GTPBP10: variants seen among roughly 807,000 people sequenced by gnomAD.
The protein encoded by GTPBP10 is GTP-binding protein 10.
A neutral mutation model predicts 44.8 loss-of-function variants in GTPBP10; 38 were observed. That is an observed-to-expected ratio of 0.85 (90% CI 0.65 to 1.11). GTPBP10 has a LOEUF of 1.11. GTPBP10 is among the 50% of genes most tolerant of loss of function. GTPBP10 has a pLI of 0.00. For missense variants in GTPBP10, 462 were observed against 453.7 expected (o/e 1.02, Z -0.17); for synonymous variants, 152 against 150.6 (o/e 1.01, Z -0.07).
intron 4 of GTPBP10, chr7:90,371,299 G>A (rs1796253309): frequency 3.2e-6 from 1 of 308,220 alleles, no homozygotes; most frequent in South Asian, 1.3e-4. Flanking sequence ...TAGGAAATTA[G>A]TTAAGTAAAT....
At chr7:90,384,598 C>T (rs966707929) in intron 9 of GTPBP10, among the ~76,000 whole-genome samples, 2 of 151,210 alleles carry the variant, frequency 1.3e-5, no homozygotes, top group East Asian at 1.9e-4. Flanking sequence ...TATTTAACCC[C>T]CCCCACACAC....
At chr7:90,384,376 T>C (rs1796485986) in intron 9 of GTPBP10, among the ~76,000 whole-genome samples, 1 of 152,184 alleles carries the variant, frequency 6.6e-6, no homozygotes, top group Non-Finnish European at 1.5e-5. Context: ...TGTGGGGTGA[T>C]AGATTGGACT....
intron 4 of GTPBP10, among the ~76,000 whole-genome samples, chr7:90,369,788 G>A (rs556525123): frequency 3.3e-5 from 5 of 152,220 alleles, no homozygotes; most frequent in East Asian, 3.9e-4. Context: ...GTGAAGCAAC[G>A]CCCCACCCTG....
Position 90,355,107 on chromosome 7 carries a change from A to T in GTPBP10, c.341A>T (p.Asp114Val). Residue 114 changes from aspartate to valine, a missense_variant, in exon 4 of 10, where the codon GAC (aspartate) becomes GTC (valine). By Grantham distance (152) the Asp-to-Val change is radical. Transcript: ENST00000222511. ...KIIGELNKEN[D>V]RILVAQGGLG... ...TAAGGAGAACTCAATAAAGAAAATGACAGAATTTTGGTAGCTCAAGGAGGT... is the reference window on the plus strand; with the variant it reads ...TAAGGAGAACTCAATAAAGAAAATGTCAGAATTTTGGTAGCTCAAGGAGGT... 6.3e-7 allele frequency: 1 copy of T among 1,589,860 alleles called. No individual in the cohort carries two copies. The highest frequency in any genetic ancestry group is 8.6e-7 in the Non-Finnish European group (1 of 1,162,534).
chr7:90,383,283 A>C (rs1796463707), intron 9 of GTPBP10, among the ~76,000 whole-genome samples: 1 of 152,208 alleles, frequency 6.6e-6, no homozygotes, highest in Admixed American at 6.5e-5. Flanking sequence ...TAAAGGAGAC[A>C]AAAGAAAGAT....
chr7:90,376,023 G>A (rs535473834), intron 6 of GTPBP10, among the ~76,000 whole-genome samples: 4 of 150,712 alleles, frequency 2.7e-5, no homozygotes, highest in Admixed American at 6.6e-5. Context: ...TTAGGAGATC[G>A]AGACCATCCT....
chr7:90,369,459 C>T (rs866957367), intron 4 of GTPBP10, among the ~76,000 whole-genome samples: 16 of 152,312 alleles, frequency 1.1e-4, no homozygotes, highest in Admixed American at 2.0e-4. Context: ...CCACCCATTT[C>T]GAGCTTCCAG....
intron 4 of GTPBP10, among the ~76,000 whole-genome samples, chr7:90,370,919 A>G (rs1796244470): frequency 6.6e-6 from 1 of 151,978 alleles, no homozygotes; most frequent in African/African-American, 2.4e-5. Flanking sequence ...AGGCAGGAGA[A>G]TGGCGTGAAC....
intron 4 of GTPBP10, among the ~76,000 whole-genome samples, chr7:90,359,213 G>A (rs1795965342): frequency 6.6e-6 from 1 of 151,468 alleles, no homozygotes; most frequent in Admixed American, 6.6e-5. Flanking sequence ...TCTTACATAG[G>A]TATACATGCG....
rs1796269918 is a variant in GTPBP10, at chr7:90,372,212, A to G, written c.522A>G (p.Ala174=). The change falls in exon 5 of 10, where the codon GCA becomes GCG. Residue 174 remains alanine, a synonymous_variant. Transcript: ENST00000222511. Reference sequence around the variant, plus strand: ...GTTGTGTTTCTCATGCAAAACCTGCAATTGCAGATTACGCATGTAAGTGTA... The same window carrying G: ...GTTGTGTTTCTCATGCAAAACCTGCGATTGCAGATTACGCATGTAAGTGTA... ...LLSCVSHAKP[A]IADYAFTTLK... is the part of the protein sequence containing the mutation. 1.2e-6 allele frequency: 2 copies of G among 1,603,222 alleles called. No homozygotes were observed. Among genetic ancestry groups the G allele is most frequent in the East Asian group, 4.5e-5 (2 of 44,760 alleles).
At chr7:90,357,410 T>C (rs42669) in intron 4 of GTPBP10, among the ~76,000 whole-genome samples, 136,031 of 152,170 alleles carry the variant, frequency 0.89, 61,006 homozygotes, top group East Asian at 1. Context: ...AAACAGGGTA[T>C]GAAAAAACTA....
intron 3 of GTPBP10, among the ~76,000 whole-genome samples, chr7:90,354,861 A>G (rs985671248): frequency 2.0e-5 from 3 of 152,142 alleles, no homozygotes; most frequent in African/African-American, 7.2e-5. Flanking sequence ...GTTTTTCTGA[A>G]AGAACAATAT....
intron 4 of GTPBP10, among the ~76,000 whole-genome samples, chr7:90,356,781 A>G (rs1795909356): frequency 2.0e-5 from 3 of 152,186 alleles, no homozygotes; most frequent in Admixed American, 2.0e-4. Flanking sequence ...AGCAGAATAC[A>G]TGCTTTGCAT....
At chr7:90,367,663 C>G (rs947335200) in intron 4 of GTPBP10, among the ~76,000 whole-genome samples, 27 of 152,126 alleles carry the variant, frequency 1.8e-4, no homozygotes, top group Non-Finnish European at 3.4e-4. Flanking sequence ...TTATTTTGAG[C>G]CTGTGTGTGT....
chr7:90,360,319 A>AG (rs1318584564), intron 4 of GTPBP10, among the ~76,000 whole-genome samples: 1 of 152,028 alleles, frequency 6.6e-6, no homozygotes, highest in Non-Finnish European at 1.5e-5. Context: ...TTTTTATGTA[A>AG]GGTGTAAGGA....
At chr7:90,346,911 T>C (rs977109669) in intron 1 of GTPBP10, 137 bp downstream of exon 1, 8 of 912,034 alleles carry the variant, frequency 8.8e-6, no homozygotes, top group Non-Finnish European at 1.2e-5. Context: ...CCGCCCCTCC[T>C]GTAGTGGCGC....
At position 90,364,001 on chromosome 7, in the gene GTPBP10, C is replaced by T. The variant is rs544730388; in HGVS notation, c.465-8154C>T. ...GCAGCTCCATCAGGTCATTTAAGAA[C>T]TTCTCTGCATTGGCTATTCTAGTTA... On this transcript the variant is annotated intron_variant, in intron 4 of 9. Coordinates refer to ENST00000222511, the MANE Select transcript of GTPBP10 (RefSeq NM_033107.4). Among the ~76,000 whole-genome samples, 5 of 152,342 alleles carry T rather than the reference C, an allele frequency of 3.3e-5. No homozygotes were observed. The South Asian group carries it at 8.3e-4, about 25-fold the overall frequency.
chr7:90,362,492 G>C (rs1189454617), intron 4 of GTPBP10, among the ~76,000 whole-genome samples: 4 of 152,216 alleles, frequency 2.6e-5, no homozygotes, highest in Non-Finnish European at 5.9e-5. Flanking sequence ...ACTGTGGTCT[G>C]AGAGACAGTT....
intron 4 of GTPBP10, among the ~76,000 whole-genome samples, chr7:90,358,095 A>G (rs1235013264): frequency 6.6e-6 from 1 of 152,228 alleles, no homozygotes; most frequent in Admixed American, 6.5e-5. Context: ...CTCTCAGGTT[A>G]CAAAATCAGT....
Sources: allele counts gnomAD v4.1 joint callset (sites outside exome capture counted in the v4.1 genomes callset), GRCh38; gene constraint gnomAD v4.1.1; transcripts MANE v1.5; gene names NCBI Gene and HGNC (gene_info 2026-07-23, HGNC 2026-07-21).